Variants in FCRL4 observed in about 807,000 individuals in gnomAD.
FCRL4 encodes Fc receptor like 4.
FCRL4 carries 43 observed loss-of-function variants against 64.1 expected under a neutral mutation model. That is an observed-to-expected ratio of 0.67 (90% CI 0.53 to 0.87). The LOEUF is 0.87. Ranked by LOEUF, FCRL4 falls within the 40% of genes least tolerant of loss-of-function variation. The pLI, the probability that FCRL4 is intolerant of heterozygous loss-of-function variation, is 0.00. For missense variants in FCRL4, 656 were observed against 613.5 expected (o/e 1.07, Z -0.73); for synonymous variants, 253 against 239.8 (o/e 1.05, Z -0.51).
At chr1:157,593,042 C>T (rs1652873357) in intron 2 of FCRL4, among the ~76,000 whole-genome samples, 1 of 152,160 alleles carries the variant, frequency 6.6e-6, no homozygotes, top group South Asian at 2.1e-4. Flanking sequence ...ACAATGAGAA[C>T]ACATGGACAC....
Position 157,587,918 on chromosome 1 carries a change from T to A in FCRL4, c.509A>T (p.Tyr170Phe). 1 of 1,610,838 alleles carries A rather than the reference T, an allele frequency of 6.2e-7. No individual in the cohort carries two copies. The highest frequency in any genetic ancestry group is 8.5e-7 in the Non-Finnish European group (1 of 1,177,442). The change falls in exon 4 of 12, where the codon TAT becomes TTT. Residue 170 changes from tyrosine to phenylalanine, a missense_variant. Physicochemically the swap from Tyr to Phe is conservative, Grantham distance 22 (BLOSUM62 3). Transcript: ENST00000271532. ...TCTAAATACATCATTCTCGTCTCCATATCCAATGCATCGATAATTGCCATT... is the reference window on the plus strand; with the variant it reads ...TCTAAATACATCATTCTCGTCTCCAAATCCAATGCATCGATAATTGCCATT... Reference protein sequence around the residue: ...NNNGNYRCIGYGDENDVFRSN... With the variant: ...NNNGNYRCIGFGDENDVFRSN...
At position 157,575,119 on chromosome 1, in the gene FCRL4, G is replaced by A. The variant is rs1208761254; in HGVS notation, c.*405C>T. The A allele has an allele frequency of 3.3e-6, 1 of 301,898 alleles. No homozygotes were observed. Among genetic ancestry groups the A allele is most frequent in the Non-Finnish European group, 6.2e-6 (1 of 160,452 alleles). 18.7% of individuals were successfully genotyped at this position (301,898 alleles called of 1,614,324 possible). A position where few individuals can be genotyped will look rare whatever the true frequency, so the allele number is the denominator to read the frequency against. On this transcript the variant is annotated 3_prime_UTR_variant, in exon 12 of 12. Transcript: ENST00000271532. ...AGTCTCCAGTGAGACAATGGTTGTA[G>A]ATGTATTAAGCAGAGATCCAGGTCA...
intron 10 of FCRL4, among the ~76,000 whole-genome samples, chr1:157,576,587 T>C (rs1468462570): frequency 6.6e-6 from 1 of 152,208 alleles, no homozygotes; most frequent in Admixed American, 6.5e-5. Context: ...ATCAACAGAA[T>C]GCTTGGCTTA....
At chr1:157,587,193 C>A in intron 5 of FCRL4, 83 bp downstream of exon 5, 1 of 1,490,408 alleles carries the variant, frequency 6.7e-7, no homozygotes, top group South Asian at 1.3e-5. Flanking sequence ...TGATAAAACC[C>A]ATCTCTGCTA....
At chr1:157,586,804 A>G (rs1223173528) in intron 5 of FCRL4, among the ~76,000 whole-genome samples, 1 of 152,198 alleles carries the variant, frequency 6.6e-6, no homozygotes, top group African/African-American at 2.4e-5. Flanking sequence ...TTCAAAAGTC[A>G]TAATTTTGTA....
At position 157,593,683 on chromosome 1, in the gene FCRL4, T is replaced by C. The variant is rs566058185; in HGVS notation, c.52+2645A>G. On this transcript the variant is annotated intron_variant, in intron 2 of 11. Transcript: ENST00000271532. ...TGGCTTATTGTTGTTCAATAATACC[T>C]ACTTTCTCTACTACCGTTGTAGAGA... 2.6e-5 allele frequency among the ~76,000 whole-genome samples: 4 copies of C among 152,330 alleles called. No homozygotes were observed. In the East Asian group the frequency reaches 7.7e-4, roughly 29 times the overall value.
chr1:157,590,093 C>G, intron 2 of FCRL4, among the ~76,000 whole-genome samples: 1 of 152,164 alleles, frequency 6.6e-6, no homozygotes, highest in Non-Finnish European at 1.5e-5. Context: ...AAGGCATTGA[C>G]TTAAATATGC....
At position 157,586,302 on chromosome 1, in the gene FCRL4, C is replaced by T. The variant is rs765316861; in HGVS notation, c.1001G>A (p.Arg334Lys). Reference sequence around the variant, plus strand: ...TGCTCTCAGGGAACGCTGAGTTTTCCTCCCCAGACTCTCCTGCATGTCCTC... The same window carrying T: ...TGCTCTCAGGGAACGCTGAGTTTTCTTCCCCAGACTCTCCTGCATGTCCTC... Reference protein sequence around the residue: ...HREDMQESLGRKTQRSLRAEL... With the variant: ...HREDMQESLGKKTQRSLRAEL... The change falls in exon 6 of 12, where the codon AGG becomes AAG. Residue 334 changes from arginine to lysine, a missense_variant. Physicochemically the swap from Arg to Lys is conservative, Grantham distance 26. Coordinates refer to ENST00000271532, the MANE Select transcript of FCRL4 (RefSeq NM_031282.3). 3 of 1,613,856 alleles carry T rather than the reference C, an allele frequency of 1.9e-6. No homozygotes were observed. The highest frequency in any genetic ancestry group is 1.3e-5 in the African/African-American group (1 of 74,862).
intron 2 of FCRL4, among the ~76,000 whole-genome samples, chr1:157,595,338 GA>G (rs1557793868): frequency 6.6e-6 from 1 of 152,244 alleles, no homozygotes; most frequent in Non-Finnish European, 1.5e-5. Context: ...GAAGCACCTG[GA>G]TGCAGGGCCA....
Position 157,597,758 on chromosome 1 carries a change from C to T in FCRL4, c.31+156G>A, listed in dbSNP as rs377335966. On this transcript the variant is annotated intron_variant, in intron 1 of 11. Transcript: ENST00000271532. Reference sequence around the variant, plus strand: ...TGGAAATCAATTATTATCATTTTCCCCTTCTACCAGTAAATCATTATCTTT... The same window carrying T: ...TGGAAATCAATTATTATCATTTTCCTCTTCTACCAGTAAATCATTATCTTT... Among the ~76,000 whole-genome samples the T allele has an allele frequency of 5.3e-5, 8 of 152,270 alleles. No individual in the cohort carries two copies. The East Asian group carries it at 1.5e-3, about 29-fold the overall frequency.
chr1:157,578,230 C>A (rs1159382693), intron 10 of FCRL4, among the ~76,000 whole-genome samples: 1 of 152,078 alleles, frequency 6.6e-6, no homozygotes, highest in Non-Finnish European at 1.5e-5. Context: ...ATAATGATCA[C>A]AATATCTATC....
At chr1:157,597,256 T>C (rs1410328099) in intron 1 of FCRL4, among the ~76,000 whole-genome samples, 1 of 152,206 alleles carries the variant, frequency 6.6e-6, no homozygotes, top group Non-Finnish European at 1.5e-5. Context: ...TAATAGGTCT[T>C]CCCTTAGTTG....
intron 5 of FCRL4, 44 bp downstream of exon 5, chr1:157,587,232 G>A (rs1652720677): frequency 1.3e-6 from 2 of 1,598,350 alleles, no homozygotes; most frequent in Admixed American, 1.7e-5. Flanking sequence ...AGAGCCCAAG[G>A]GGCAGAGAGA....
intron 9 of FCRL4, 25 bp downstream of exon 9, chr1:157,578,745 C>T: frequency 1.2e-6 from 2 of 1,607,158 alleles, no homozygotes; most frequent in Non-Finnish European, 1.7e-6. Flanking sequence ...AGGCCAGGAA[C>T]AGCTTCCTAG....
At position 157,589,392 on chromosome 1, in the gene FCRL4, A is replaced by G. The variant is rs376787857; in HGVS notation, c.119T>C (p.Val40Ala). 28 of 1,613,898 alleles carry G rather than the reference A, an allele frequency of 1.7e-5. No homozygotes were observed. Among genetic ancestry groups the G allele is most frequent in the Non-Finnish European group, 2.3e-5 (27 of 1,179,940 alleles). The change falls in exon 3 of 12, where the codon GTG becomes GCG. Residue 40 changes from valine (V) to alanine (A), a missense_variant. Transcript: ENST00000271532. ...PWTTFFKGER[V>A]TLTCNGFQFY... Reference sequence around the variant, plus strand: ...CTGAAATCCATTGCAAGTCAGAGTCACTCTCTCTCCTTTGAAGAATGTGGT... The same window carrying G: ...CTGAAATCCATTGCAAGTCAGAGTCGCTCTCTCTCCTTTGAAGAATGTGGT...
At chr1:157,594,463 C>G (rs891911455) in intron 2 of FCRL4, among the ~76,000 whole-genome samples, 1 of 152,166 alleles carries the variant, frequency 6.6e-6, no homozygotes, top group African/African-American at 2.4e-5. Context: ...TTTGAAAAGT[C>G]AATATTAGAT....
chr1:157,575,610 C>A lies in FCRL4; in HGVS notation c.1462G>T (p.Asp488Tyr). The change falls in exon 12 of 12, where the codon GAT (aspartate) becomes TAT (tyrosine). Residue 488 changes from aspartate (D) to tyrosine (Y), a missense_variant and splice_region_variant. By Grantham distance (160) the Asp-to-Tyr change is radical. Coordinates refer to ENST00000271532, the MANE Select transcript of FCRL4 (RefSeq NM_031282.3). ...NTSRTLLEDK[D>Y]VSVVYSEVKT... Reference sequence around the variant, plus strand: ...ACCTCAGAGTAGACAACTGAGACATCCTGAAATGGAAGAAAGAAGTGGAAA... The same window carrying A: ...ACCTCAGAGTAGACAACTGAGACATACTGAAATGGAAGAAAGAAGTGGAAA... The A allele has an allele frequency of 6.2e-7, 1 of 1,613,446 alleles. No homozygotes were observed. The highest frequency in any genetic ancestry group is 8.5e-7 in the Non-Finnish European group (1 of 1,179,518).
chr1:157,575,424 G>C lies in FCRL4; in HGVS notation c.*100C>G. The C allele has an allele frequency of 1.2e-6, 1 of 806,714 alleles. No homozygotes were observed. Among genetic ancestry groups the C allele is most frequent in the East Asian group, 2.6e-5 (1 of 38,172 alleles). The allele number at this position is 806,714 out of a possible 1,614,324, so 50.0% of individuals were successfully genotyped here. A position where few individuals can be genotyped will look rare whatever the true frequency, so the allele number is the denominator to read the frequency against. ...ATGAGAAGAATTAGAAAGCTGGAAT[G>C]AGTTGATCATTCCAGGGGCCGCAAG... On this transcript the variant is annotated 3_prime_UTR_variant, in exon 12 of 12. Coordinates refer to ENST00000271532, the MANE Select transcript of FCRL4 (RefSeq NM_031282.3).
At chr1:157,576,434 G>A (rs1334149776) in intron 10 of FCRL4, among the ~76,000 whole-genome samples, 6 of 152,138 alleles carry the variant, frequency 3.9e-5, no homozygotes, top group Non-Finnish European at 8.8e-5. Context: ...TATGATGGAA[G>A]CTATGTACTC....
Sources: allele counts gnomAD v4.1 joint callset (sites outside exome capture counted in the v4.1 genomes callset), GRCh38; gene constraint gnomAD v4.1.1; transcripts MANE v1.5; gene names NCBI Gene and HGNC (gene_info 2026-07-23, HGNC 2026-07-21).